The following CTNND2 variants were observed in gnomAD, a reference collection of about 807,000 sequenced individuals.
CTNND2 encodes the protein catenin delta-2.
In CTNND2, 22 loss-of-function variants were observed where a neutral mutation model predicts 144.4. That is an observed-to-expected ratio of 0.15 (90% CI 0.11 to 0.22). The LOEUF (loss-of-function observed/expected upper bound fraction) is 0.22, where lower values mean the gene tolerates loss of function less well. Ranked by LOEUF, CTNND2 falls within the 10% of genes least tolerant of loss-of-function variation. The pLI is 1.00. For synonymous variants in CTNND2, 751 were observed against 695.6 expected (o/e 1.08, Z -1.25); for missense variants, 1,353 against 1,618.8 (o/e 0.84, Z 2.82).
chr5:11,824,093 C>CAAAAA (rs1189701479), intron 1 of CTNND2, among the ~76,000 whole-genome samples: 13 of 58,888 alleles, frequency 2.2e-4, no homozygotes, highest in African/African-American at 7.1e-4. Context: ...CAGAGTGTCT[C>CAAAAA]AAAAAAAAAA....
intron 1 of CTNND2, among the ~76,000 whole-genome samples, chr5:11,869,097 C>T (rs937726420): frequency 4.6e-5 from 7 of 152,208 alleles, no homozygotes; most frequent in Non-Finnish European, 7.4e-5. Flanking sequence ...ATGGAAAATA[C>T]GTGTTGGTGA....
chr5:11,326,817 A>G (rs1752582158), intron 9 of CTNND2, among the ~76,000 whole-genome samples: 1 of 152,218 alleles, frequency 6.6e-6, no homozygotes, highest in African/African-American at 2.4e-5. Flanking sequence ...TCAATGAATC[A>G]CAACTGGGGG....
At chr5:11,578,648 G>A (rs895452759) in intron 2 of CTNND2, among the ~76,000 whole-genome samples, 8 of 150,312 alleles carry the variant, frequency 5.3e-5, no homozygotes, top group Non-Finnish European at 8.8e-5. Context: ...GCGACAGAGC[G>A]AGACTCCATC....
chr5:11,343,107 A>T (rs1333407775), intron 9 of CTNND2, among the ~76,000 whole-genome samples: 1 of 152,328 alleles, frequency 6.6e-6, no homozygotes, highest in East Asian at 1.9e-4. Context: ...GACTAGTCAA[A>T]AGAGAAAAGA....
intron 2 of CTNND2, among the ~76,000 whole-genome samples, chr5:11,725,602 T>TG (rs1217315799): frequency 3.3e-5 from 5 of 151,960 alleles, no homozygotes; most frequent in Non-Finnish European, 7.4e-5. Flanking sequence ...TGTAGTGTAG[T>TG]GGGGGGGAAA....
At chr5:11,748,739 T>A (rs1788450800) in intron 1 of CTNND2, among the ~76,000 whole-genome samples, 1 of 152,122 alleles carries the variant, frequency 6.6e-6, no homozygotes. Flanking sequence ...CTGCTTATTA[T>A]TTGTTACTAT....
chr5:11,707,856 C>G (rs1785791523), intron 2 of CTNND2, among the ~76,000 whole-genome samples: 1 of 152,150 alleles, frequency 6.6e-6, no homozygotes, highest in African/African-American at 2.4e-5. Context: ...ACAGCTCTCA[C>G]TGTATGACTC....
intron 3 of CTNND2, among the ~76,000 whole-genome samples, chr5:11,531,670 G>C (rs532191876): frequency 6.6e-6 from 1 of 152,220 alleles, no homozygotes; most frequent in East Asian, 1.9e-4. Context: ...TGCCATGGCG[G>C]ATTGTTATCA....
At chr5:11,246,292 C>A (rs149464592) in intron 9 of CTNND2, among the ~76,000 whole-genome samples, 9 of 152,156 alleles carry the variant, frequency 5.9e-5, no homozygotes, top group African/African-American at 1.7e-4. Flanking sequence ...TAGAACGTGA[C>A]CTTATTTGGA....
intron 9 of CTNND2, among the ~76,000 whole-genome samples, chr5:11,319,835 G>GT (rs139913451): frequency 0.037 from 5,624 of 152,282 alleles, 354 homozygotes; most frequent in African/African-American, 0.13. Context: ...GAAGTCTACA[G>GT]TTATCTGTAT....
chr5:11,328,731 G>A (rs1281810363), intron 9 of CTNND2, among the ~76,000 whole-genome samples: 1 of 152,176 alleles, frequency 6.6e-6, no homozygotes, highest in Non-Finnish European at 1.5e-5. Context: ...AGATCTACAC[G>A]TGCAGATTAT....
chr5:11,272,258 C>G (rs2149979334), intron 9 of CTNND2, among the ~76,000 whole-genome samples: 1 of 152,274 alleles, frequency 6.6e-6, no homozygotes, highest in Non-Finnish European at 1.5e-5. Flanking sequence ...TACTGTGAAA[C>G]ACACCACTCT....
intron 1 of CTNND2, among the ~76,000 whole-genome samples, chr5:11,791,420 A>T (rs1791131740): frequency 2.0e-5 from 3 of 152,224 alleles, no homozygotes; most frequent in Admixed American, 2.0e-4. Context: ...TATGAAAGCA[A>T]GAACATGTTC....
chr5:11,024,679 A>T (rs748773327), intron 16 of CTNND2, among the ~76,000 whole-genome samples: 1 of 152,166 alleles, frequency 6.6e-6, no homozygotes, highest in African/African-American at 2.4e-5. Flanking sequence ...TGGTTTCATG[A>T]CCTTGGACAC....
intron 11 of CTNND2, among the ~76,000 whole-genome samples, chr5:11,173,169 G>A (rs531856081): frequency 3.3e-5 from 5 of 152,324 alleles, no homozygotes; most frequent in Admixed American, 6.5e-5. Flanking sequence ...CCGGGTACCC[G>A]TGCCCTCTGG....
At chr5:11,883,554 C>T (rs953214193) in intron 1 of CTNND2, among the ~76,000 whole-genome samples, 3 of 152,114 alleles carry the variant, frequency 2.0e-5, no homozygotes, top group African/African-American at 7.2e-5. Context: ...TGTATATGTG[C>T]CATATTTTAT....
intron 2 of CTNND2, among the ~76,000 whole-genome samples, chr5:11,658,931 T>C (rs1783049654): frequency 6.6e-6 from 1 of 152,170 alleles, no homozygotes; most frequent in African/African-American, 2.4e-5. Flanking sequence ...AATTATGAAT[T>C]AAATATTATC....
chr5:11,699,320 A>G (rs1561706828), intron 2 of CTNND2, among the ~76,000 whole-genome samples: 1 of 152,140 alleles, frequency 6.6e-6, no homozygotes, highest in Non-Finnish European at 1.5e-5. Flanking sequence ...AGAAGCATGA[A>G]TGCAATGGAG....
intron 3 of CTNND2, among the ~76,000 whole-genome samples, chr5:11,451,176 T>C (rs1334207548): frequency 6.6e-6 from 1 of 152,112 alleles, no homozygotes. Flanking sequence ...CTGTTTTTCA[T>C]GTGTGTATTG....
Sources: allele counts gnomAD v4.1 joint callset (sites outside exome capture counted in the v4.1 genomes callset), GRCh38; gene constraint gnomAD v4.1.1; transcripts MANE v1.5; gene names NCBI Gene and HGNC (gene_info 2026-07-23, HGNC 2026-07-21).